FNIP2: variants seen among roughly 807,000 people sequenced by gnomAD.
FNIP2 encodes the protein folliculin-interacting protein 2.
A neutral mutation model predicts 108.7 loss-of-function variants in FNIP2; 32 were observed. The ratio of observed to expected loss-of-function variants is 0.29; its 90% CI spans 0.22 to 0.40. FNIP2 has a LOEUF of 0.40. FNIP2 is among the 10% of genes least tolerant of loss of function. The probability of loss-of-function intolerance (pLI) is 1.00; values close to 1 mark genes in which losing one functional copy is unlikely to be tolerated. For synonymous variants in FNIP2, 480 were observed against 496.7 expected, an observed-to-expected ratio of 0.97 and a Z score of 0.45; for missense variants, 1,202 against 1,381.6, an observed-to-expected ratio of 0.87 and a Z score of 2.06.
At position 158,889,819 on chromosome 4, in the gene FNIP2, T is replaced by C. The variant is rs532480788; in HGVS notation, c.2950-1627T>C. On this transcript the variant is annotated intron_variant, in intron 14 of 16. Coordinates refer to ENST00000264433, the MANE Select transcript of FNIP2 (RefSeq NM_020840.3). The stretch of plus-strand genomic sequence containing the variant: ...GTTCAAATTTCCTTTTTTTTTTTTT[T>C]CCATAAGGACCAGACTCATTGATGG... The C allele has an allele frequency of 4.3e-5, 42 of 980,102 alleles. No individual in the cohort carries two copies. The East Asian group carries it at 3.8e-3, about 88-fold the overall frequency. 60.7% of individuals were successfully genotyped at this position (980,102 alleles called of 1,614,324 possible). A position where few individuals can be genotyped will look rare whatever the true frequency, so the allele number is the denominator to read the frequency against.
chr4:158,885,039 C>T (rs1275149529), intron 14 of FNIP2, among the ~76,000 whole-genome samples: 1 of 151,814 alleles, frequency 6.6e-6, no homozygotes, highest in African/African-American at 2.4e-5. Flanking sequence ...GCCTGTAGTC[C>T]CAGCTACTCG....
chr4:158,785,750 G>A (rs542380381), intron 1 of FNIP2, among the ~76,000 whole-genome samples: 1 of 138,784 alleles, frequency 7.2e-6, no homozygotes, highest in Admixed American at 7.2e-5. Flanking sequence ...TCTATAGATT[G>A]TTTAATTTTC....
chr4:158,898,817 A>G (rs191977916), intron 16 of FNIP2, among the ~76,000 whole-genome samples: 6 of 152,308 alleles, frequency 3.9e-5, no homozygotes, highest in Admixed American at 3.9e-4. Flanking sequence ...CTATTTGAAT[A>G]CGCTTTATTT....
At chr4:158,769,356 C>T in intron 1 of FNIP2, 37 bp downstream of exon 1, 2 of 1,415,322 alleles carry the variant, frequency 1.4e-6, no homozygotes, top group Non-Finnish European at 1.9e-6. Flanking sequence ...GGCGCGGGAC[C>T]CGAGTTGGCT....
At chr4:158,881,931 G>A (rs1781666827) in intron 14 of FNIP2, among the ~76,000 whole-genome samples, 1 of 151,760 alleles carries the variant, frequency 6.6e-6, no homozygotes. Context: ...GATGTGAGGA[G>A]CCCCTCTGCC....
rs1261545921 is a variant in FNIP2 at position 158,866,218 on chromosome 4, A to ATTTTTTTT, written c.1466-1882_1466-1881insTTTTTTTT. 9.7e-4 allele frequency among the ~76,000 whole-genome samples: 12 copies of ATTTTTTTT among 12,358 alleles called. 1 individual carries two copies. Among genetic ancestry groups the ATTTTTTTT allele is most frequent in the African/African-American group, 2.1e-3 (11 of 5,176 alleles). The allele number at this position is 12,358 out of a possible 152,430, so 8.1% of individuals were successfully genotyped here. Reference sequence around the variant, plus strand: ...TTTGATTTGTTCCAATATTCTGGTTATTCTTTTTTTTTTTTTTTGAGACAG... The same window carrying ATTTTTTTT: ...TTTGATTTGTTCCAATATTCTGGTTATTTTTTTTTTCTTTTTTTTTTTTTTTGAGACAG... On this transcript the variant is annotated intron_variant, in intron 12 of 16. Transcript: ENST00000264433.
intron 1 of FNIP2, among the ~76,000 whole-genome samples, chr4:158,779,367 T>C (rs1163646729): frequency 1.3e-5 from 2 of 152,188 alleles, no homozygotes; most frequent in African/African-American, 4.8e-5. Flanking sequence ...AATATAATAG[T>C]TAAATGATTA....
intron 1 of FNIP2, among the ~76,000 whole-genome samples, chr4:158,777,501 A>G (rs1775899144): frequency 1.3e-5 from 2 of 152,232 alleles, no homozygotes; most frequent in South Asian, 2.1e-4. Context: ...CCAGACTAAC[A>G]TATCATTAAT....
In FNIP2 at chr4:158,868,225, T is replaced by C; in HGVS notation, c.1589T>C (p.Leu530Pro). Reference protein sequence around the residue: ...VLTYFLRCSELQENQLTWSGN... With the variant: ...VLTYFLRCSEPQENQLTWSGN... ...ACCTACTTTCTCCGTTGCTCTGAGC[T>C]ACAAGAGAACCAGCTGACCTGGAGT... The change falls in exon 13 of 17, where the codon CTA (leucine) becomes CCA (proline). Residue 530 changes from leucine to proline, a missense_variant. Physicochemically the swap from Leu to Pro is moderately conservative, Grantham distance 98 (BLOSUM62 -3). Coordinates refer to ENST00000264433, the MANE Select transcript of FNIP2 (RefSeq NM_020840.3). The surrounding 1 kb of genome is among the most constrained non-coding windows in gnomAD (Gnocchi z 4.6). 1.9e-6 allele frequency: 3 copies of C among 1,614,062 alleles called. No individual in the cohort carries two copies.
chr4:158,853,122 G>T (rs1243806957), intron 8 of FNIP2, among the ~76,000 whole-genome samples: 1 of 152,032 alleles, frequency 6.6e-6, no homozygotes, highest in Non-Finnish European at 1.5e-5. Context: ...TAATATTTTT[G>T]ATGTCATAAT....
chr4:158,892,220 C>T (rs1782323641), intron 15 of FNIP2, among the ~76,000 whole-genome samples: 1 of 149,164 alleles, frequency 6.7e-6, no homozygotes, highest in Non-Finnish European at 1.5e-5. Context: ...TCACTGCAAC[C>T]TCCGCCTCCT....
chr4:158,832,942 A>C (rs1578883764), intron 5 of FNIP2, among the ~76,000 whole-genome samples: 1 of 152,228 alleles, frequency 6.6e-6, no homozygotes, highest in African/African-American at 2.4e-5. Context: ...ACACAGCAAA[A>C]GTCTTTAATT....
At chr4:158,845,615 G>A (rs765112762) in intron 7 of FNIP2, among the ~76,000 whole-genome samples, 10 of 152,120 alleles carry the variant, frequency 6.6e-5, no homozygotes, top group Non-Finnish European at 1.3e-4. Context: ...ACTAGCACTC[G>A]AGCATTGCAT....
At chr4:158,883,431 C>A (rs188951614) in intron 14 of FNIP2, among the ~76,000 whole-genome samples, 2 of 152,000 alleles carry the variant, frequency 1.3e-5, no homozygotes, top group Non-Finnish European at 2.9e-5. Flanking sequence ...TTAGTAGAGA[C>A]GGGGTTTCAC....
At chr4:158,846,434 G>T (rs975787079) in intron 7 of FNIP2, among the ~76,000 whole-genome samples, 16 of 152,204 alleles carry the variant, frequency 1.1e-4, no homozygotes, top group African/African-American at 3.4e-4. Flanking sequence ...ACAGATGAGA[G>T]AGCTGACACG....
intron 1 of FNIP2, among the ~76,000 whole-genome samples, chr4:158,770,920 T>C (rs1156457208): frequency 6.6e-6 from 1 of 152,206 alleles, no homozygotes; most frequent in Non-Finnish European, 1.5e-5. Flanking sequence ...TTTTCTGTGC[T>C]CCTTGCCTAA....
chr4:158,886,361 C>T (rs902211212), intron 14 of FNIP2, among the ~76,000 whole-genome samples: 11 of 152,210 alleles, frequency 7.2e-5, no homozygotes, highest in African/African-American at 2.2e-4. Flanking sequence ...GCTCCTTACT[C>T]ACCTCCCATG....
Position 158,769,268 on chromosome 4 carries a change from C to A in FNIP2, c.56C>A (p.Ser19Tyr). 6.5e-7 allele frequency: 1 copy of A among 1,542,558 alleles called. No homozygotes were observed. Among genetic ancestry groups the A allele is most frequent in the East Asian group, 2.6e-5 (1 of 38,894 alleles). Residue 19 changes from serine (S) to tyrosine (Y), a missense_variant, in exon 1 of 17, where the codon TCC (serine) becomes TAC (tyrosine). Transcript: ENST00000264433. ...AACAAAAGGGGCAGCAGCGGCAGCT[C>A]CGCGGCGGCGTCTGCCCAGGGCAGG... is the stretch of plus-strand genomic sequence containing the variant. ...LFNKRGSSGS[S>Y]AAASAQGRAP...
At chr4:158,873,261 T>A (rs1257945889) in intron 14 of FNIP2, among the ~76,000 whole-genome samples, 1 of 152,246 alleles carries the variant, frequency 6.6e-6, no homozygotes, top group East Asian at 1.9e-4. Flanking sequence ...TTTTAACTGT[T>A]TAAAAGCAAT....
Sources: allele counts gnomAD v4.1 joint callset (sites outside exome capture counted in the v4.1 genomes callset), GRCh38; gene constraint gnomAD v4.1.1; non-coding constraint Gnocchi (gnomAD v3.1); transcripts MANE v1.5; gene names NCBI Gene and HGNC (gene_info 2026-07-23, HGNC 2026-07-21).